Variants in STAB2 observed in about 807,000 individuals in gnomAD.
STAB2 encodes stabilin 2.
A neutral mutation model predicts 338.1 loss-of-function variants in STAB2; 288 were observed. The observed-to-expected ratio is 0.85, with a 90% CI of 0.77 to 0.94. The LOEUF is 0.94. STAB2 is among the 40% of genes least tolerant of loss of function. STAB2 has a pLI of 0.00. For synonymous variants in STAB2, 1,202 were observed against 1,193.3 expected, an observed-to-expected ratio of 1.01 and a Z score of -0.15; for missense variants, 3,141 against 3,210.1, an observed-to-expected ratio of 0.98 and a Z score of 0.52.
In STAB2 at chr12:103,692,961, T is replaced by C. The variant is rs1459422317; in HGVS notation, c.3375+72T>C. On this transcript the variant is annotated intron_variant, in intron 31 of 68. Coordinates refer to ENST00000388887, the MANE Select transcript of STAB2 (RefSeq NM_017564.10). Reference sequence around the variant, plus strand: ...GTTGTTTATCGTCCTATACAGCATTTTTTTTTTTAAATAGAAAAATACTTA... The same window carrying C: ...GTTGTTTATCGTCCTATACAGCATTCTTTTTTTTAAATAGAAAAATACTTA... The C allele has an allele frequency of 3.1e-6, 4 of 1,292,708 alleles. No homozygotes were observed. In the African/African-American group the frequency reaches 4.5e-5, roughly 15 times the overall value. The allele number at this position is 1,292,708 out of a possible 1,614,324, so 80.1% of individuals were successfully genotyped here. A position where few individuals can be genotyped will look rare whatever the true frequency, so the allele number is the denominator to read the frequency against.
intron 3 of STAB2, among the ~76,000 whole-genome samples, chr12:103,604,108 G>A (rs1956992116): frequency 6.6e-6 from 1 of 152,100 alleles, no homozygotes; most frequent in East Asian, 1.9e-4. Flanking sequence ...ACTTTCTGGA[G>A]ATACTTTGGA....
chr12:103,723,234 G>A (rs552473054), intron 44 of STAB2, among the ~76,000 whole-genome samples: 39 of 152,328 alleles, frequency 2.6e-4, no homozygotes, highest in Non-Finnish European at 4.9e-4. Context: ...TCCAGACTGG[G>A]CAACTTACAA....
chr12:103,712,163 A>G (rs1394524490), intron 40 of STAB2, among the ~76,000 whole-genome samples: 1 of 152,176 alleles, frequency 6.6e-6, no homozygotes, highest in Non-Finnish European at 1.5e-5. Flanking sequence ...TGCACGCTGT[A>G]GTTTGCCTGA....
At position 103,685,034 on chromosome 12, in the gene STAB2, C is replaced by G; in HGVS notation, c.2947C>G (p.Gln983Glu). 1 of 1,613,978 alleles carries G rather than the reference C, an allele frequency of 6.2e-7. No individual in the cohort carries two copies. The highest frequency in any genetic ancestry group is 8.5e-7 in the Non-Finnish European group (1 of 1,179,916). ...TSSGVWSCVC[Q>E]EGYEGDGFLC... ...GTCTGGTGTCTGGAGCTGTGTTTGTCAAGAGGGCTATGAAGGAGATGGCTT... is the reference window on the plus strand; with the variant it reads ...GTCTGGTGTCTGGAGCTGTGTTTGTGAAGAGGGCTATGAAGGAGATGGCTT... Residue 983 changes from glutamine (Q) to glutamate (E), a missense_variant, in exon 27 of 69, where the codon CAA (glutamine) becomes GAA (glutamate). Transcript: ENST00000388887.
chr12:103,736,047 C>G (rs895433251), intron 52 of STAB2, among the ~76,000 whole-genome samples: 1 of 152,186 alleles, frequency 6.6e-6, no homozygotes. Flanking sequence ...CTGGCTAGTT[C>G]CTGAACAATT....
intron 3 of STAB2, among the ~76,000 whole-genome samples, chr12:103,598,133 G>C (rs1282534261): frequency 6.6e-6 from 1 of 152,092 alleles, no homozygotes; most frequent in Non-Finnish European, 1.5e-5. Context: ...TTCACTTAAA[G>C]AACATATTTC....
intron 34 of STAB2, among the ~76,000 whole-genome samples, chr12:103,702,894 T>C (rs1163150311): frequency 6.6e-6 from 1 of 152,206 alleles, no homozygotes; most frequent in Non-Finnish European, 1.5e-5. Flanking sequence ...ACTTCTTCCT[T>C]TTACAAAAGA....
chr12:103,717,097 C>T (rs1164449739), intron 43 of STAB2, among the ~76,000 whole-genome samples: 1 of 152,204 alleles, frequency 6.6e-6, no homozygotes, highest in Non-Finnish European at 1.5e-5. Flanking sequence ...AAAGCTGCCT[C>T]CTGGGAGGGC....
intron 38 of STAB2, among the ~76,000 whole-genome samples, chr12:103,708,200 C>T (rs1241263369): frequency 6.6e-6 from 1 of 152,202 alleles, no homozygotes; most frequent in Admixed American, 6.5e-5. Flanking sequence ...TTCAGTGCTA[C>T]ACTGTCTCAA....
chr12:103,731,488 C>T (rs1881630396), intron 49 of STAB2, 88 bp from the exon 50 acceptor site: 1 of 1,401,390 alleles, frequency 7.1e-7, no homozygotes, highest in South Asian at 1.3e-5. Context: ...GGTTATGTTA[C>T]CTTTACTTTT....
chr12:103,741,770 G>C (rs1197989233), intron 55 of STAB2, among the ~76,000 whole-genome samples: 2 of 152,142 alleles, frequency 1.3e-5, no homozygotes, highest in Non-Finnish European at 2.9e-5. Flanking sequence ...ACCCCATTTT[G>C]TAAATGAGAA....
chr12:103,597,695 T>C (rs1347489268), intron 3 of STAB2, among the ~76,000 whole-genome samples: 1 of 152,206 alleles, frequency 6.6e-6, no homozygotes, highest in African/African-American at 2.4e-5. Flanking sequence ...AGCACAAAAA[T>C]ACATTTCTAC....
chr12:103,762,221 T>C, intron 66 of STAB2, 53 bp from the exon 67 acceptor site: 1 of 1,604,112 alleles, frequency 6.2e-7, no homozygotes, highest in Non-Finnish European at 8.5e-7. Context: ...GGGTTCCCCT[T>C]TTGGGGAGTC....
chr12:103,660,528 T>G, intron 16 of STAB2, 144 bp downstream of exon 16: 1 of 1,251,966 alleles, frequency 8.0e-7, no homozygotes, highest in African/African-American at 1.5e-5. Context: ...GAGTCCATTA[T>G]CAGAGCGATC....
rs1881552568 is a variant in STAB2, at chr12:103,730,547, T to C, written c.5223+291T>C. 2.0e-5 allele frequency among the ~76,000 whole-genome samples: 3 copies of C among 152,228 alleles called. No homozygotes were observed. In the South Asian group the frequency reaches 6.2e-4, roughly 32 times the overall value. ...AAAATTAATTCTGGAGTAAAATTCC[T>C]TCTAAATTGACAGAAAATGTAATTT... On this transcript the variant is annotated intron_variant, in intron 49 of 68. Coordinates refer to ENST00000388887, the MANE Select transcript of STAB2 (RefSeq NM_017564.10).
chr12:103,740,540 C>T, intron 54 of STAB2, 90 bp from the exon 55 acceptor site: 2 of 1,516,588 alleles, frequency 1.3e-6, no homozygotes, highest in South Asian at 1.3e-5. Context: ...TTGGGCAGTA[C>T]CTAAGACCTC....
At chr12:103,690,757 C>T (rs1033087023) in intron 30 of STAB2, among the ~76,000 whole-genome samples, 1 of 152,188 alleles carries the variant, frequency 6.6e-6, no homozygotes, top group Non-Finnish European at 1.5e-5. Context: ...AAAATGTGGC[C>T]TTCTGCCCAC....
chr12:103,713,407 C>A (rs1880039634), intron 41 of STAB2, among the ~76,000 whole-genome samples: 1 of 152,202 alleles, frequency 6.6e-6, no homozygotes, highest in Non-Finnish European at 1.5e-5. Context: ...GTAGACTCAC[C>A]TTCATCCCCA....
At chr12:103,615,872 G>A (rs895468559) in intron 3 of STAB2, among the ~76,000 whole-genome samples, 6 of 151,782 alleles carry the variant, frequency 4.0e-5, no homozygotes, top group Non-Finnish European at 7.4e-5. Context: ...AGAACAGCAC[G>A]GGGGAAACTG....
Sources: gnomAD v4.1 joint callset for allele counts (sites outside exome capture counted in the v4.1 genomes callset) on GRCh38, gnomAD v4.1.1 for gene constraint, MANE v1.5 for transcripts, NCBI Gene and HGNC (gene_info 2026-07-23, HGNC 2026-07-21) for gene names.